Variants in RASSF8 observed in about 807,000 individuals in gnomAD.
The protein encoded by RASSF8 is ras association domain-containing protein 8.
Under a neutral mutation model 48.5 loss-of-function variants are expected in RASSF8, and 22 were observed. The observed-to-expected ratio is 0.45, with a 90% CI of 0.32 to 0.65. The LOEUF is 0.65. Among genes scored for constraint, RASSF8 ranks in the 30% least tolerant of loss-of-function variants. RASSF8 has a pLI of 0.03. For synonymous variants in RASSF8, 127 were observed against 171.5 expected, an observed-to-expected ratio of 0.74 and a Z score of 2.03; for missense variants, 418 against 489.2, an observed-to-expected ratio of 0.85 and a Z score of 1.37.
At chr12:26,064,255 T>C (rs1343197059) in intron 3 of RASSF8, among the ~76,000 whole-genome samples, 1 of 152,180 alleles carries the variant, frequency 6.6e-6, no homozygotes, top group Non-Finnish European at 1.5e-5. Flanking sequence ...GTTTAAAGTA[T>C]AAAGTTGAAT....
intron 2 of RASSF8, among the ~76,000 whole-genome samples, chr12:26,006,284 T>G (rs999714645): frequency 6.6e-6 from 1 of 152,212 alleles, no homozygotes; most frequent in Non-Finnish European, 1.5e-5. Context: ...GTGATTAATC[T>G]GGGTGCAAGT....
chr12:26,067,806 C>T, intron 5 of RASSF8, 93 bp downstream of exon 5: 2 of 1,509,294 alleles, frequency 1.3e-6, no homozygotes, highest in South Asian at 2.5e-5. Context: ...ACTGTATCGC[C>T]CAGGCTGGAA....
chr12:26,076,835 G>T (rs140698001), downstream of RASSF8, among the ~76,000 whole-genome samples: 46 of 152,224 alleles, frequency 3.0e-4, no homozygotes, highest in East Asian at 8.1e-3. Context: ...TTAAGGAATC[G>T]CCACACTGTC....
At chr12:25,983,491 A>G (rs1456866759) in intron 1 of RASSF8, among the ~76,000 whole-genome samples, 1 of 152,204 alleles carries the variant, frequency 6.6e-6, no homozygotes, top group East Asian at 1.9e-4. Context: ...GTTCTCTACT[A>G]AAGGTAATGT....
At chr12:26,024,792 T>C (rs1245765790) in intron 2 of RASSF8, among the ~76,000 whole-genome samples, 1 of 151,072 alleles carries the variant, frequency 6.6e-6, no homozygotes, top group Non-Finnish European at 1.5e-5. Flanking sequence ...TTGTCTCTAC[T>C]AAAAAATACA....
chr12:26,004,781 T>C (rs568877273), intron 2 of RASSF8, among the ~76,000 whole-genome samples: 2 of 152,258 alleles, frequency 1.3e-5, no homozygotes, highest in South Asian at 4.2e-4. Flanking sequence ...TTTTCTGAAA[T>C]TCTGGAAAAT....
Position 26,040,970 on chromosome 12 carries a change from C to T in RASSF8, c.-108-14266C>T, listed in dbSNP as rs559066586. 2.6e-4 allele frequency among the ~76,000 whole-genome samples: 39 copies of T among 151,586 alleles called. No individual in the cohort carries two copies. In the South Asian group the frequency reaches 5.0e-3, roughly 20 times the overall value. On this transcript the variant is annotated intron_variant, in intron 2 of 5. Coordinates refer to ENST00000689635, the MANE Select transcript of RASSF8 (RefSeq NM_001394098.1). ...TGGCGTGATCTCAGCTCACTGCAAGCGCTGCCTCCCAGGTTCACGCCATTC... is the reference window on the plus strand; with the variant it reads ...TGGCGTGATCTCAGCTCACTGCAAGTGCTGCCTCCCAGGTTCACGCCATTC...
In RASSF8 at chr12:25,959,083, C is replaced by A. The variant is rs1941158289; in HGVS notation, c.-268C>A. On this transcript the variant is annotated 5_prime_UTR_variant, in exon 1 of 6. Transcript: ENST00000689635. ...GCGGCCGCGGAGCTCCGGGTGCCGCCGCGTCCCCAGCGCCCCGGCCGGCCC... is the reference window on the plus strand; with the variant it reads ...GCGGCCGCGGAGCTCCGGGTGCCGCAGCGTCCCCAGCGCCCCGGCCGGCCC... The A allele has an allele frequency of 6.7e-6, 1 of 149,402 alleles. No homozygotes were observed. The highest frequency in any genetic ancestry group is 2.4e-5 in the African/African-American group (1 of 41,094). The allele number at this position is 149,402 out of a possible 1,614,324, so 9.3% of individuals were successfully genotyped here.
At position 25,981,482 on chromosome 12, in the gene RASSF8, C is replaced by T. The variant is rs116395923; in HGVS notation, c.-202-13555C>T. Among the ~76,000 whole-genome samples, 450 of 152,272 alleles carry T rather than the reference C, an allele frequency of 3.0e-3. 3 individuals carry two copies. Among genetic ancestry groups the T allele is most frequent in the African/African-American group, 0.01 (436 of 41,548 alleles). On this transcript the variant is annotated intron_variant, in intron 1 of 5. Coordinates refer to ENST00000689635, the MANE Select transcript of RASSF8 (RefSeq NM_001394098.1). ...TGTTCCTCGTAGACAAAGAACGAAT[C>T]TCCTGGTTGGCAACTCCAGGATTCC...
intron 2 of RASSF8, among the ~76,000 whole-genome samples, chr12:26,009,278 G>A (rs17361755): frequency 0.098 from 14,939 of 152,194 alleles, 782 homozygotes; most frequent in Middle Eastern, 0.15. Flanking sequence ...CACTTCTACT[G>A]ATCAAACTAT....
chr12:26,044,448 G>T (rs755495453), intron 2 of RASSF8, among the ~76,000 whole-genome samples: 5 of 152,152 alleles, frequency 3.3e-5, no homozygotes, highest in Non-Finnish European at 7.4e-5. Flanking sequence ...ATTTTGGAAA[G>T]TATGTTAGAA....
chr12:26,007,674 G>A (rs923821773), intron 2 of RASSF8, among the ~76,000 whole-genome samples: 12 of 152,202 alleles, frequency 7.9e-5, no homozygotes, highest in African/African-American at 2.9e-4. Context: ...GTGTTTTTGG[G>A]AAAAGCAAGT....
At chr12:25,969,132 C>T (rs1157665834) in intron 1 of RASSF8, among the ~76,000 whole-genome samples, 1 of 152,152 alleles carries the variant, frequency 6.6e-6, no homozygotes, top group African/African-American at 2.4e-5. Context: ...TACCTTAGGC[C>T]TTATTGGCTA....
Position 26,065,400 on chromosome 12 carries a change from T to C in RASSF8, c.993+13T>C, listed in dbSNP as rs745809800. 8.9e-6 allele frequency: 14 copies of C among 1,578,084 alleles called. No homozygotes were observed. The Admixed American group carries it at 1.3e-4, about 15-fold the overall frequency. On this transcript the variant is annotated intron_variant, in intron 4 of 5. Coordinates refer to ENST00000689635, the MANE Select transcript of RASSF8 (RefSeq NM_001394098.1). ...CAAACGCTTACAGGTAGGGACACTTTGATAAATAGAATGTTTGGCCCATGT... is the reference window on the plus strand; with the variant it reads ...CAAACGCTTACAGGTAGGGACACTTCGATAAATAGAATGTTTGGCCCATGT...
rs1362253388 is a variant in RASSF8, at chr12:26,064,946, G to A, written c.552G>A (p.Leu184=). 6.2e-7 allele frequency: 1 copy of A among 1,613,732 alleles called. No individual in the cohort carries two copies. Among genetic ancestry groups the A allele is most frequent in the African/African-American group, 1.3e-5 (1 of 74,876 alleles). Residue 184 remains leucine, a synonymous_variant, in exon 4 of 6, where the codon CTG becomes CTA. Transcript: ENST00000689635. The part of the protein sequence containing the change: ...TEKLQSIEKQ[L]ESNEIEIRFW... ...AGCTTCAATCCATTGAGAAACAGCT[G>A]GAATCTAATGAAATAGAAATAAGAT...
At chr12:26,013,467 C>A (rs1187560387) in intron 2 of RASSF8, among the ~76,000 whole-genome samples, 2 of 152,192 alleles carry the variant, frequency 1.3e-5, no homozygotes, top group African/African-American at 4.8e-5. Flanking sequence ...TTCTTTAAAT[C>A]CTGTGTCCTT....
rs576880293 is a variant in RASSF8 at position 26,033,178 on chromosome 12, G to A, written c.-108-22058G>A. 1.4e-4 allele frequency among the ~76,000 whole-genome samples: 21 copies of A among 152,266 alleles called. No homozygotes were observed. In the South Asian group the frequency reaches 3.3e-3, roughly 24 times the overall value. On this transcript the variant is annotated intron_variant, in intron 2 of 5. Coordinates refer to ENST00000689635, the MANE Select transcript of RASSF8 (RefSeq NM_001394098.1). ...AATACTCTGTAATGAGACCAGAGGG[G>A]ATCAAGTTGATCAGTGGGAGACCAC...
At chr12:26,027,447 C>T (rs541844887) in intron 2 of RASSF8, among the ~76,000 whole-genome samples, 4 of 152,336 alleles carry the variant, frequency 2.6e-5, no homozygotes, top group East Asian at 3.9e-4. Flanking sequence ...GAAGGGTCAG[C>T]AGGCCCTCAC....
rs888120211 is a variant in RASSF8, at chr12:26,072,140, A to G, written c.*3322A>G. The G allele has an allele frequency of 1.9e-5, 19 of 983,882 alleles. No individual in the cohort carries two copies. The highest frequency in any genetic ancestry group is 1.6e-4 in the African/African-American group (9 of 57,218). 60.9% of individuals were successfully genotyped at this position (983,882 alleles called of 1,614,324 possible). On this transcript the variant is annotated 3_prime_UTR_variant, in exon 6 of 6. Coordinates refer to ENST00000689635, the MANE Select transcript of RASSF8 (RefSeq NM_001394098.1). The stretch of plus-strand genomic sequence containing the variant: ...TTTGATAAATTTGGCCTTAATTTAT[A>G]TAACGATGCTGTGTTCACATCCCTC...
Sources: allele counts gnomAD v4.1 joint callset (sites outside exome capture counted in the v4.1 genomes callset), GRCh38; gene constraint gnomAD v4.1.1; transcripts MANE v1.5; gene names NCBI Gene and HGNC (gene_info 2026-07-23, HGNC 2026-07-21).